DENND5B: variants seen among roughly 807,000 people sequenced by gnomAD.
DENND5B encodes the protein DENN domain-containing protein 5B.
DENND5B carries 34 observed loss-of-function variants against 140.6 expected under a neutral mutation model. The observed-to-expected ratio is 0.24, with a 90% confidence interval of 0.18 to 0.32. The LOEUF (loss-of-function observed/expected upper bound fraction) is 0.32, where lower values mean the gene tolerates loss of function less well. Ranked by LOEUF, DENND5B falls within the 10% of genes least tolerant of loss-of-function variation. The pLI, the probability that DENND5B is intolerant of heterozygous loss-of-function variation, is 1.00. For synonymous variants in DENND5B, 551 were observed against 562.1 expected (o/e 0.98, Z 0.28); for missense variants, 1,142 against 1,560.2 (o/e 0.73, Z 4.52).
In DENND5B at chr12:31,527,650, C is replaced by T. The variant is rs191479945; in HGVS notation, c.128-31731G>A. ...AAAATTAGCTAGGCATGGTGGCCCA[C>T]ACCTGTAATCCCAGCTACTCGGGAG... is the stretch of plus-strand genomic sequence containing the variant. On this transcript the variant is annotated intron_variant, in intron 1 of 20. Coordinates refer to ENST00000389082, the MANE Select transcript of DENND5B (RefSeq NM_144973.4). Among the ~76,000 whole-genome samples, 509 of 152,178 alleles carry T rather than the reference C, an allele frequency of 3.3e-3. 5 individuals carry two copies. Among genetic ancestry groups the T allele is most frequent in the African/African-American group, 0.011 (457 of 41,518 alleles).
chr12:31,394,901 C>T (rs886437978), intron 17 of DENND5B, among the ~76,000 whole-genome samples: 6 of 152,046 alleles, frequency 3.9e-5, no homozygotes, highest in South Asian at 4.1e-4. Context: ...CGTGAGCCAC[C>T]GTGCCCGGCC....
intron 2 of DENND5B, among the ~76,000 whole-genome samples, chr12:31,494,632 G>T (rs1397272501): frequency 6.6e-6 from 1 of 152,096 alleles, no homozygotes; most frequent in Non-Finnish European, 1.5e-5. Flanking sequence ...CAGGATGGTC[G>T]TGGGCCAAGT....
At chr12:31,575,617 G>C (rs1404896653) in intron 1 of DENND5B, among the ~76,000 whole-genome samples, 1 of 152,122 alleles carries the variant, frequency 6.6e-6, no homozygotes, top group Non-Finnish European at 1.5e-5. Context: ...AACAGATACT[G>C]GAAATAAAAG....
chr12:31,497,419 TAAG>T (rs1040628956), intron 1 of DENND5B, among the ~76,000 whole-genome samples: 9 of 152,000 alleles, frequency 5.9e-5, no homozygotes, highest in African/African-American at 2.2e-4. Context: ...CAGACATCCT[TAAG>T]GAGAGTTTAT....
intron 6 of DENND5B, among the ~76,000 whole-genome samples, chr12:31,446,843 C>T (rs1479570804): frequency 6.7e-6 from 1 of 149,146 alleles, no homozygotes; most frequent in East Asian, 2.0e-4. Flanking sequence ...GCCAAGATGG[C>T]GCCACTGCAC....
At position 31,382,813 on chromosome 12, in the gene DENND5B, G is replaced by A. The variant is rs2374190; in HGVS notation, c.*4790C>T. On this transcript the variant is annotated 3_prime_UTR_variant, in exon 21 of 21. Transcript: ENST00000389082. ...AACAGCTCCAATCAGATTTTGGAGAGGAGGTTCTCCTTAGATTCTTTTGAT... is the reference window on the plus strand; with the variant it reads ...AACAGCTCCAATCAGATTTTGGAGAAGAGGTTCTCCTTAGATTCTTTTGAT... The A allele has an allele frequency of 1.3e-5, 2 of 151,736 alleles. No individual in the cohort carries two copies. The highest frequency in any genetic ancestry group is 2.9e-5 in the Non-Finnish European group (2 of 67,922). 9.4% of individuals were successfully genotyped at this position (151,736 alleles called of 1,614,324 possible). A position where few individuals can be genotyped will look rare whatever the true frequency, so the allele number is the denominator to read the frequency against.
At chr12:31,416,691 C>CTT (rs1942757364) in intron 11 of DENND5B, among the ~76,000 whole-genome samples, 1 of 151,702 alleles carries the variant, frequency 6.6e-6, no homozygotes, top group South Asian at 2.1e-4. Flanking sequence ...CAATTAAACT[C>CTT]TTGAGTGTTT....
rs369184034 is a variant in DENND5B, at chr12:31,480,268, G to GAA, written c.238-15_238-14dup. 2.2e-5 allele frequency: 25 copies of GAA among 1,113,966 alleles called. No homozygotes were observed. Among genetic ancestry groups the GAA allele is most frequent in the Admixed American group, 7.2e-5 (2 of 27,764 alleles). The allele number at this position is 1,113,966 out of a possible 1,614,324, so 69.0% of individuals were successfully genotyped here. ...TAGGCATGCACAACTGTGAAAGAAA[G>GAA]AAAAAAAAAAATCAGAATGCAGTAC... is the stretch of plus-strand genomic sequence containing the variant. On this transcript the variant is annotated splice_polypyrimidine_tract_variant and intron_variant, in intron 2 of 20. Coordinates refer to ENST00000389082, the MANE Select transcript of DENND5B (RefSeq NM_144973.4).
Position 31,452,485 on chromosome 12 carries a change from GAAA to G in DENND5B, c.1093-12_1093-10del. 1.3e-6 allele frequency: 2 copies of G among 1,576,966 alleles called. No individual in the cohort carries two copies. Among genetic ancestry groups the G allele is most frequent in the Non-Finnish European group, 1.7e-6 (2 of 1,165,528 alleles). ...ACAAAACACAAATTAGCCTGAAAGA[GAAA>G]AATGAAATACAAAGGTTTAAAATAA... is the stretch of plus-strand genomic sequence containing the variant. On this transcript the variant is annotated splice_polypyrimidine_tract_variant and intron_variant, in intron 4 of 20. Transcript: ENST00000389082.
intron 2 of DENND5B, among the ~76,000 whole-genome samples, chr12:31,492,313 A>G (rs1946560258): frequency 6.6e-6 from 1 of 152,260 alleles, no homozygotes; most frequent in South Asian, 2.1e-4. Flanking sequence ...AAAAGCTATC[A>G]TGGATATCTC....
intron 15 of DENND5B, 144 bp downstream of exon 15, chr12:31,402,354 G>A: frequency 1.0e-6 from 1 of 1,003,390 alleles, no homozygotes; most frequent in Non-Finnish European, 1.4e-6. Flanking sequence ...GACAACTTTA[G>A]ACATATAATC....
At chr12:31,423,994 A>C (rs561924306) in intron 10 of DENND5B, among the ~76,000 whole-genome samples, 1 of 152,348 alleles carries the variant, frequency 6.6e-6, no homozygotes, top group Admixed American at 6.5e-5. Flanking sequence ...CTACATTAGT[A>C]ACCATGGAAT....
chr12:31,392,742 A>C, intron 17 of DENND5B, 46 bp from the exon 18 acceptor site: 1 of 1,516,334 alleles, frequency 6.6e-7, no homozygotes, highest in East Asian at 2.5e-5. Flanking sequence ...GAGAGAAATA[A>C]ACCAAAGTAC....
chr12:31,509,289 C>T lies in DENND5B; in HGVS notation c.128-13370G>A, dbSNP rs200060820. Among the ~76,000 whole-genome samples the T allele has an allele frequency of 3.4e-4, 52 of 152,272 alleles. No individual in the cohort carries two copies. The East Asian group carries it at 9.3e-3, about 27-fold the overall frequency. ...GTCGACAGTGCCACAATTCATGTAG[C>T]CATCTAAGTATTATTATCCACTTAT... On this transcript the variant is annotated intron_variant, in intron 1 of 20. Coordinates refer to ENST00000389082, the MANE Select transcript of DENND5B (RefSeq NM_144973.4).
At chr12:31,519,920 G>C (rs1591971496) in intron 1 of DENND5B, among the ~76,000 whole-genome samples, 1 of 152,238 alleles carries the variant, frequency 6.6e-6, no homozygotes, top group East Asian at 1.9e-4. Context: ...ACCCCAAAAA[G>C]AAACCCTGCA....
At chr12:31,467,121 T>C (rs572148340) in intron 3 of DENND5B, among the ~76,000 whole-genome samples, 60 of 148,600 alleles carry the variant, frequency 4.0e-4, no homozygotes, top group Middle Eastern at 3.4e-3. Context: ...TTTAAGATGA[T>C]AGAATATTAT....
intron 1 of DENND5B, chr12:31,506,224 T>C (rs1947195628): frequency 6.6e-6 from 1 of 152,186 alleles, no homozygotes; most frequent in African/African-American, 2.4e-5. Context: ...CTTGATTACA[T>C]CAAAATTAAA....
intron 1 of DENND5B, among the ~76,000 whole-genome samples, chr12:31,578,931 G>A (rs974761292): frequency 4.6e-5 from 7 of 152,182 alleles, no homozygotes; most frequent in South Asian, 2.1e-4. Context: ...GAGAATTAGC[G>A]TTTATAAATC....
chr12:31,582,374 G>A (rs1592094762), intron 1 of DENND5B, among the ~76,000 whole-genome samples: 1 of 152,158 alleles, frequency 6.6e-6, no homozygotes, highest in African/African-American at 2.4e-5. Context: ...AGCTCTAACT[G>A]CTGTACTCAC....
Sources: allele counts gnomAD v4.1 joint callset (sites outside exome capture counted in the v4.1 genomes callset), GRCh38; gene constraint gnomAD v4.1.1; transcripts MANE v1.5; gene names NCBI Gene and HGNC (gene_info 2026-07-23, HGNC 2026-07-21).